The following PRIM2 variants were observed in gnomAD, a reference collection of about 807,000 sequenced individuals.
The protein encoded by PRIM2 is DNA primase large subunit.
PRIM2 carries 39 observed loss-of-function variants against 67.3 expected under a neutral mutation model. The ratio of observed to expected loss-of-function variants is 0.58; its 90% CI spans 0.45 to 0.76. PRIM2 has a LOEUF of 0.76. Among genes scored for constraint, PRIM2 ranks in the 30% least tolerant of loss-of-function variants. The probability of loss-of-function intolerance (pLI) is 0.00; values close to 1 mark genes in which losing one functional copy is unlikely to be tolerated. For synonymous variants in PRIM2, 143 were observed against 198.7 expected, an observed-to-expected ratio of 0.72 and a Z score of 2.36; for missense variants, 398 against 598.7, an observed-to-expected ratio of 0.66 and a Z score of 3.50.
At chr6:57,274,236 C>T in the PRIM2 span, among the ~76,000 whole-genome samples, 1 of 152,366 alleles carries the variant, frequency 6.6e-6, no homozygotes, top group Admixed American at 6.5e-5. Context: ...GTGGAGCCTA[C>T]AGAGGCAGGC....
chr6:57,517,298 A>C (rs1434137090), intron 8 of PRIM2, among the ~76,000 whole-genome samples: 1 of 152,188 alleles, frequency 6.6e-6, no homozygotes, highest in African/African-American at 2.4e-5. Flanking sequence ...CAAAATAATA[A>C]TGATGTTATG....
chr6:57,481,063 T>C (rs1452806385), intron 7 of PRIM2, among the ~76,000 whole-genome samples: 2 of 152,234 alleles, frequency 1.3e-5, no homozygotes, highest in African/African-American at 2.4e-5. Flanking sequence ...CTCACTTCAC[T>C]CAGTTTGCCC....
At chr6:57,617,181 G>A (rs1776770867) in intron 12 of PRIM2, among the ~76,000 whole-genome samples, 1 of 152,160 alleles carries the variant, frequency 6.6e-6, no homozygotes, top group Non-Finnish European at 1.5e-5. Flanking sequence ...TCTTTGACTT[G>A]TAGATGCATC....
intron 12 of PRIM2, among the ~76,000 whole-genome samples, chr6:57,616,746 A>G (rs1310167505): frequency 2.6e-5 from 4 of 152,164 alleles, no homozygotes; most frequent in Admixed American, 1.3e-4. Flanking sequence ...TACTATTTCT[A>G]TCAAGTTCCA....
chr6:57,623,307 GCT>G (rs1776890457), intron 12 of PRIM2, among the ~76,000 whole-genome samples: 1 of 152,104 alleles, frequency 6.6e-6, no homozygotes, highest in African/African-American at 2.4e-5. Flanking sequence ...TTTCTTATAG[GCT>G]GAAGATAAAT....
intron 7 of PRIM2, among the ~76,000 whole-genome samples, chr6:57,400,887 C>A (rs62417062): frequency 5.3e-5 from 8 of 152,248 alleles, no homozygotes; most frequent in Admixed American, 2.6e-4. Flanking sequence ...CTTTCTTCAG[C>A]TTGGTTTATT....
At chr6:57,531,254 G>T (rs1234413922) in intron 8 of PRIM2, among the ~76,000 whole-genome samples, 3 of 152,118 alleles carry the variant, frequency 2.0e-5, no homozygotes, top group Non-Finnish European at 4.4e-5. Flanking sequence ...CCTGGCTCAA[G>T]CAATCCTCTT....
At chr6:57,374,831 C>T (rs1343458641) in intron 5 of PRIM2, among the ~76,000 whole-genome samples, 1 of 152,222 alleles carries the variant, frequency 6.6e-6, no homozygotes, top group African/African-American at 2.4e-5. Context: ...GGTGGTTCAC[C>T]TGCCTCAGCC....
intron 10 of PRIM2, among the ~76,000 whole-genome samples, chr6:57,569,743 CCTTTT>C (rs1347881574): frequency 1.3e-5 from 2 of 151,552 alleles, no homozygotes; most frequent in East Asian, 1.9e-4. Flanking sequence ...CAGTTCTTAC[CCTTTT>C]CTTTTCTTTT....
chr6:57,248,509 G>A, the PRIM2 span, among the ~76,000 whole-genome samples: 1 of 152,220 alleles, frequency 6.6e-6, no homozygotes, highest in African/African-American at 2.4e-5. Context: ...ACACTCTAAA[G>A]GGTGGGAGTG....
At chr6:57,572,746 C>T (rs1396060326) in intron 10 of PRIM2, among the ~76,000 whole-genome samples, 2 of 152,118 alleles carry the variant, frequency 1.3e-5, no homozygotes, top group African/African-American at 2.4e-5. Context: ...GACCAAATCA[C>T]GTGATGGGGG....
At chr6:57,559,853 G>T (rs1228898817) in intron 10 of PRIM2, among the ~76,000 whole-genome samples, 3 of 152,034 alleles carry the variant, frequency 2.0e-5, no homozygotes, top group Admixed American at 1.3e-4. Context: ...ACTAAAAATG[G>T]TAATGATCAT....
intron 7 of PRIM2, among the ~76,000 whole-genome samples, chr6:57,446,295 T>G (rs1772361460): frequency 6.6e-6 from 1 of 150,828 alleles, no homozygotes; most frequent in Non-Finnish European, 1.5e-5. Context: ...TTTTGTTTTT[T>G]TTTTTTTTAG....
the PRIM2 span, among the ~76,000 whole-genome samples, chr6:57,279,484 C>A: frequency 3.3e-5 from 5 of 152,048 alleles, no homozygotes; most frequent in African/African-American, 1.2e-4. Flanking sequence ...GGAGAATTTC[C>A]AGGAACTCAT....
At chr6:57,249,264 G>A in the PRIM2 span, among the ~76,000 whole-genome samples, 2 of 152,102 alleles carry the variant, frequency 1.3e-5, no homozygotes, top group Admixed American at 1.3e-4. Flanking sequence ...CATTTGCTGA[G>A]CAATTTTTCT....
intron 5 of PRIM2, among the ~76,000 whole-genome samples, chr6:57,336,333 C>T (rs887149356): frequency 6.6e-6 from 1 of 151,400 alleles, no homozygotes; most frequent in Non-Finnish European, 1.5e-5. Flanking sequence ...GGCAGGCCAA[C>T]ATTCAGATTC....
chr6:57,413,544 C>T (rs1334507166), intron 7 of PRIM2, among the ~76,000 whole-genome samples: 13 of 152,046 alleles, frequency 8.6e-5, no homozygotes, highest in Non-Finnish European at 1.5e-5. Context: ...ATGGACAACT[C>T]ATAACTCTTG....
At chr6:57,282,494 T>G in the PRIM2 span, among the ~76,000 whole-genome samples, 1 of 152,172 alleles carries the variant, frequency 6.6e-6, no homozygotes, top group African/African-American at 2.4e-5. Context: ...CCTTAGTCTC[T>G]CCCTGTTATG....
chr6:57,507,085 C>T (rs1235977085), intron 7 of PRIM2, among the ~76,000 whole-genome samples: 2 of 152,022 alleles, frequency 1.3e-5, no homozygotes, highest in African/African-American at 4.8e-5. Flanking sequence ...AGATAATAGT[C>T]TCATAAGTGA....
Sources: gnomAD v4.1 joint callset for allele counts (sites outside exome capture counted in the v4.1 genomes callset) on GRCh38, gnomAD v4.1.1 for gene constraint, MANE v1.5 for transcripts, NCBI Gene and HGNC (gene_info 2026-07-23, HGNC 2026-07-21) for gene names.